GCNT1: variants seen among roughly 807,000 people sequenced by gnomAD.
GCNT1 encodes glucosaminyl (N-acetyl) transferase 1.
GCNT1 carries 16 observed loss-of-function variants against 26.2 expected under a neutral mutation model. The observed-to-expected ratio is 0.61, with a 90% CI of 0.41 to 0.93. The LOEUF (loss-of-function observed/expected upper bound fraction) is 0.93, where lower values mean the gene tolerates loss of function less well. Ranked by LOEUF, GCNT1 falls within the 40% of genes least tolerant of loss-of-function variation. The probability of loss-of-function intolerance (pLI) is 0.00; values close to 1 mark genes in which losing one functional copy is unlikely to be tolerated. For synonymous variants in GCNT1, 183 were observed against 190.8 expected, an observed-to-expected ratio of 0.96 and a Z score of 0.34; for missense variants, 477 against 526.7, an observed-to-expected ratio of 0.91 and a Z score of 0.92.
At chr9:76,394,207 T>C in the GCNT1 span, 2 of 1,554,630 alleles carry the variant, frequency 1.3e-6, no homozygotes, top group Non-Finnish European at 1.7e-6. Context: ...TGCGGCCCGG[T>C]CTGCGCGTCC....
the GCNT1 span, among the ~76,000 whole-genome samples, chr9:76,408,483 T>C: frequency 6.6e-6 from 1 of 151,808 alleles, no homozygotes; most frequent in Non-Finnish European, 1.5e-5. Flanking sequence ...ATGTATATAA[T>C]TTTTTTTTCT....
chr9:76,492,686 G>T (rs1245690022), intron 2 of GCNT1, among the ~76,000 whole-genome samples: 1 of 151,178 alleles, frequency 6.6e-6, no homozygotes, highest in Admixed American at 6.6e-5. Flanking sequence ...AGATGAGGGG[G>T]CAGCTTGTTT....
rs748801212 is a variant in GCNT1 at position 76,503,671 on chromosome 9, A to C, written c.*3A>C. ...CTTTGGAGACATTAAAACACTGACC[A>C]TTACGGGCAATTTTATGAACAAGAA... On this transcript the variant is annotated 3_prime_UTR_variant, in exon 4 of 4. Transcript: ENST00000376730. 1.2e-6 allele frequency: 2 copies of C among 1,603,402 alleles called. No individual in the cohort carries two copies.
At chr9:76,467,151 T>A (rs891408114) in intron 2 of GCNT1, among the ~76,000 whole-genome samples, 4 of 152,112 alleles carry the variant, frequency 2.6e-5, no homozygotes, top group African/African-American at 9.7e-5. Flanking sequence ...CAAGCGATTC[T>A]CCTGCCTCAG....
rs1823329253 is a variant in GCNT1, at chr9:76,430,865, T to C, written n.38+10978T>C. Among the ~76,000 whole-genome samples the C allele has an allele frequency of 2.0e-5, 3 of 152,206 alleles. No individual in the cohort carries two copies. The South Asian group carries it at 6.2e-4, about 32-fold the overall frequency. ...CACACCCAGCTAATTTTTGTAATTT[T>C]AGTACAGATAGGGTTTCACCATGTT... On this transcript the variant is annotated intron_variant and non_coding_transcript_variant, in intron 1 of 3. Coordinates refer to the GCNT1 transcript ENST00000488136.
chr9:76,441,212 C>G (rs955140359), upstream of GCNT1, among the ~76,000 whole-genome samples: 3 of 152,214 alleles, frequency 2.0e-5, no homozygotes, highest in South Asian at 6.2e-4. Flanking sequence ...GTGGCGCGAT[C>G]TCAGCTCACT....
chr9:76,423,352 C>T (rs1446149588), intron 1 of GCNT1, among the ~76,000 whole-genome samples: 1 of 152,214 alleles, frequency 6.6e-6, no homozygotes, highest in Non-Finnish European at 1.5e-5. Flanking sequence ...TATAAAAAGG[C>T]TGACACTGTG....
intron 1 of GCNT1, among the ~76,000 whole-genome samples, chr9:76,450,809 G>T (rs925704612): frequency 5.9e-5 from 9 of 152,044 alleles, no homozygotes; most frequent in African/African-American, 1.9e-4. Context: ...TTTCTAGTTT[G>T]TTGACTTTTA....
intron 2 of GCNT1, among the ~76,000 whole-genome samples, 163 bp from the exon 3 acceptor site, chr9:76,500,753 A>C (rs1233994364): frequency 6.6e-6 from 1 of 152,220 alleles, no homozygotes; most frequent in Non-Finnish European, 1.5e-5. Flanking sequence ...TTAGAAAAAT[A>C]AGTAAGACTA....
At chr9:76,405,301 ACACACAC>A in the GCNT1 span, among the ~76,000 whole-genome samples, 1 of 151,714 alleles carries the variant, frequency 6.6e-6, no homozygotes, top group Non-Finnish European at 1.5e-5. Context: ...ACACACACAC[ACACACAC>A]ACACACACAG....
the GCNT1 span, among the ~76,000 whole-genome samples, chr9:76,397,953 G>C: frequency 6.6e-6 from 1 of 152,214 alleles, no homozygotes; most frequent in Non-Finnish European, 1.5e-5. Flanking sequence ...CCAAAAATAT[G>C]CTACCTAGCA....
intron 1 of GCNT1, among the ~76,000 whole-genome samples, chr9:76,421,686 G>GTT (rs375605387): frequency 0.063 from 5,294 of 83,676 alleles, 234 homozygotes; most frequent in Non-Finnish European, 0.074. Flanking sequence ...TTGTTTGTAG[G>GTT]TTGTTTTTTT....
chr9:76,397,554 C>T, the GCNT1 span, among the ~76,000 whole-genome samples: 1 of 151,810 alleles, frequency 6.6e-6, no homozygotes, highest in African/African-American at 2.4e-5. Context: ...AGTGATTCTC[C>T]TGCCTCAGCC....
At chr9:76,432,466 A>C (rs558905453) in intron 1 of GCNT1, among the ~76,000 whole-genome samples, 2 of 151,574 alleles carry the variant, frequency 1.3e-5, no homozygotes, top group African/African-American at 2.4e-5. Flanking sequence ...CAGCCTCCAG[A>C]GTAGCAGGGA....
the GCNT1 span, among the ~76,000 whole-genome samples, chr9:76,411,143 T>G: frequency 1.5e-4 from 23 of 152,352 alleles, no homozygotes; most frequent in East Asian, 4.0e-3. Flanking sequence ...TAATCCACTC[T>G]GACAATCTCT....
intron 1 of GCNT1, among the ~76,000 whole-genome samples, chr9:76,451,948 C>CT (rs747978017): frequency 0.018 from 1,745 of 98,192 alleles, 49 homozygotes; most frequent in African/African-American, 0.057. Context: ...TTCTTTCTTT[C>CT]TTTTTTTTTT....
intron 2 of GCNT1, among the ~76,000 whole-genome samples, chr9:76,475,205 A>C (rs1465527664): frequency 6.6e-6 from 1 of 152,226 alleles, no homozygotes; most frequent in African/African-American, 2.4e-5. Flanking sequence ...CAATAACTGT[A>C]CCAAAATATA....
At chr9:76,407,727 A>G in the GCNT1 span, among the ~76,000 whole-genome samples, 1 of 152,192 alleles carries the variant, frequency 6.6e-6, no homozygotes, top group African/African-American at 2.4e-5. Context: ...TCTTAACAAT[A>G]TTGAATTGCC....
At chr9:76,499,073 A>G (rs1824990155) in intron 2 of GCNT1, among the ~76,000 whole-genome samples, 1 of 149,320 alleles carries the variant, frequency 6.7e-6, no homozygotes, top group African/African-American at 2.5e-5. Context: ...TTTATCTGGG[A>G]GTATCCTAGT....
Sources: allele counts gnomAD v4.1 joint callset (sites outside exome capture counted in the v4.1 genomes callset), GRCh38; gene constraint gnomAD v4.1.1; transcripts MANE v1.5; gene names NCBI Gene and HGNC (gene_info 2026-07-23, HGNC 2026-07-21).